Variants in BCAP31 observed in about 807,000 individuals in gnomAD.
BCAP31 encodes B cell receptor associated protein 31, also known as B-cell receptor-associated protein 31.
For missense variants in BCAP31, 124 were observed against 193.0 expected, an observed-to-expected ratio of 0.64 and a Z score of 2.12; for synonymous variants, 75 against 80.9, an observed-to-expected ratio of 0.93 and a Z score of 0.39.
intron 3 of BCAP31, among the ~76,000 whole-genome samples, chrX:153,719,575 G>A (rs2091651080): frequency 9.0e-6 from 1 of 110,905 alleles, no homozygotes; most frequent in Non-Finnish European, 1.9e-5. Context: ...TGAAGCTGGT[G>A]GGTGAGGCTT....
chrX:153,714,149 T>C (rs781992156), intron 4 of BCAP31, among the ~76,000 whole-genome samples: 1 of 109,623 alleles, frequency 9.1e-6, no homozygotes, highest in African/African-American at 3.3e-5. Flanking sequence ...AGTGCTGGGA[T>C]TACAGGCCTA....
intron 4 of BCAP31, among the ~76,000 whole-genome samples, chrX:153,712,645 C>T (rs1187417524): frequency 8.1e-5 from 9 of 111,721 alleles, no homozygotes; most frequent in Non-Finnish European, 1.7e-4. Context: ...ATCCAGTAGC[C>T]TGATCCAAAA....
Position 153,715,454 on chromosome X carries a change from AG to A in BCAP31, c.341+87del, listed in dbSNP as rs200005341. 8.8e-3 allele frequency: 9,835 copies of A among 1,117,931 alleles called. 514 individuals carry two copies. The African/African-American group carries it at 0.16, about 18-fold the overall frequency. 92.1% of individuals were successfully genotyped at this position (1,117,931 alleles called of 1,213,427 possible). A position where few individuals can be genotyped will look rare whatever the true frequency, so the allele number is the denominator to read the frequency against. The stretch of plus-strand genomic sequence containing the variant: ...CAGACTGAGGAGGAATCAAAGTCAC[AG>A]GGGGGAGACTGAGCCCACTGAGCTC... On this transcript the variant is annotated intron_variant, in intron 4 of 7. Coordinates refer to ENST00000345046, the MANE Select transcript of BCAP31 (RefSeq NM_001256447.2).
intron 6 of BCAP31, among the ~76,000 whole-genome samples, chrX:153,702,625 G>A (rs2091526142): frequency 1.8e-5 from 2 of 112,302 alleles, no homozygotes; most frequent in African/African-American, 6.5e-5. Flanking sequence ...CAGGCATGCT[G>A]GGGCTACCGT....
intron 2 of BCAP31, among the ~76,000 whole-genome samples, chrX:153,722,248 A>T (rs1186887719): frequency 1.8e-5 from 2 of 112,184 alleles, no homozygotes; most frequent in Non-Finnish European, 3.8e-5. Flanking sequence ...CACTGAAGGC[A>T]ATGATATTTG....
chrX:153,703,204 T>G, intron 5 of BCAP31, 146 bp from the exon 6 acceptor site: 2 of 893,214 alleles, frequency 2.2e-6, no homozygotes, highest in Non-Finnish European at 3.1e-6. Context: ...AGCCACCACT[T>G]GCTCCCAGCT....
chrX:153,713,936 G>A (rs377518302), intron 4 of BCAP31, among the ~76,000 whole-genome samples: 2 of 88,774 alleles, frequency 2.3e-5, no homozygotes, highest in South Asian at 1.3e-3. Context: ...GTGCAGTGGT[G>A]TGATCTCGGC....
chrX:153,702,236 T>C (rs1271788218), intron 6 of BCAP31, 129 bp from the exon 7 acceptor site: 20 of 529,846 alleles, frequency 3.8e-5, no homozygotes, highest in Non-Finnish European at 5.5e-5. Context: ...AGGAGGCTAC[T>C]TCTCAAAATA....
intron 4 of BCAP31, chrX:153,705,518 CAGGT>C (rs1557048179): frequency 8.8e-6 from 1 of 113,027 alleles, no homozygotes; most frequent in Non-Finnish European, 1.9e-5. Flanking sequence ...GCCTAGGGCT[CAGGT>C]TTCCCTGCCT....
At chrX:153,710,167 C>T (rs6643773) in intron 4 of BCAP31, among the ~76,000 whole-genome samples, 8,655 of 111,436 alleles carry the variant, frequency 0.078, 275 homozygotes, top group South Asian at 0.14. Context: ...CAGGGGGAGG[C>T]CGAAGCAGAG....
At chrX:153,712,345 G>A (rs1327279453) in intron 4 of BCAP31, among the ~76,000 whole-genome samples, 24 of 110,367 alleles carry the variant, frequency 2.2e-4, no homozygotes, top group African/African-American at 7.9e-4. Context: ...CGGGGCTGCA[G>A]TGAGCCATGA....
Position 153,720,930 on chromosome X carries a change from C to T in BCAP31, c.135G>A (p.Val45=), listed in dbSNP as rs2091660619. The change falls in exon 3 of 8, where the codon GTG becomes GTA. Residue 45 remains valine (V), a synonymous_variant. Transcript: ENST00000345046. Reference sequence around the variant, plus strand: ...CCACAAAGAAGGTGTTGCCATAGGACACTAACAACTCCACCAGCCGGGACT... The same window carrying T: ...CCACAAAGAAGGTGTTGCCATAGGATACTAACAACTCCACCAGCCGGGACT... ...IFKSRLVELL[V]SYGNTFFVVL... 8.3e-7 allele frequency: 1 copy of T among 1,210,062 alleles called. No individual in the cohort carries two copies. Among genetic ancestry groups the T allele is most frequent in the Admixed American group, 2.2e-5 (1 of 45,786 alleles).
intron 1 of BCAP31, 172 bp from the exon 2 acceptor site, chrX:153,723,460 C>T (rs1557051524): frequency 1.7e-6 from 2 of 1,144,686 alleles, no homozygotes; most frequent in Non-Finnish European, 1.2e-6. Context: ...GGCCTCTTGG[C>T]CAGCAGCGTT....
At chrX:153,706,633 C>T (rs1557048336) in intron 4 of BCAP31, among the ~76,000 whole-genome samples, 1 of 112,947 alleles carries the variant, frequency 8.9e-6, no homozygotes, top group African/African-American at 3.2e-5. Flanking sequence ...GTGGCCCAGA[C>T]TCATACCTAA....
chrX:153,721,435 CA>C (rs782544895), intron 2 of BCAP31, among the ~76,000 whole-genome samples: 267 of 32,572 alleles, frequency 8.2e-3, no homozygotes, highest in African/African-American at 0.019. Flanking sequence ...GACCTTGTCT[CA>C]AAAAAAAAAA....
intron 3 of BCAP31, among the ~76,000 whole-genome samples, chrX:153,718,161 C>T (rs953677779): frequency 2.7e-5 from 3 of 109,750 alleles, no homozygotes; most frequent in African/African-American, 1.0e-4. Flanking sequence ...ACTAAAAATA[C>T]AAAAAATTAG....
chrX:153,723,813 G>C, intron 1 of BCAP31: 1 of 758,681 alleles, frequency 1.3e-6, no homozygotes, highest in Admixed American at 3.2e-5. Context: ...GGCGCCCGCG[G>C]AGAGAAACCG....
intron 4 of BCAP31, chrX:153,715,290 T>G (rs1226093168): frequency 1.8e-5 from 7 of 391,559 alleles, no homozygotes; most frequent in Non-Finnish European, 3.1e-5. Flanking sequence ...GATAGTCATC[T>G]GTTTGCCTGA....
At chrX:153,707,300 G>A (rs1156762933) in intron 4 of BCAP31, among the ~76,000 whole-genome samples, 1 of 109,336 alleles carries the variant, frequency 9.1e-6, no homozygotes, top group Non-Finnish European at 1.9e-5. Flanking sequence ...GCTGGGCACT[G>A]TGCCTTCATC....
Sources: allele counts gnomAD v4.1 joint callset (sites outside exome capture counted in the v4.1 genomes callset), GRCh38; gene constraint gnomAD v4.1.1; transcripts MANE v1.5; gene names NCBI Gene and HGNC (gene_info 2026-07-23, HGNC 2026-07-21).